ST6GALNAC5: variants seen among roughly 807,000 people sequenced by gnomAD.
The protein encoded by ST6GALNAC5 is alpha-N-acetylgalactosaminide alpha-2,6-sialyltransferase 5.
A neutral mutation model predicts 33.6 loss-of-function variants in ST6GALNAC5; 27 were observed. The observed-to-expected ratio is 0.80, with a 90% CI of 0.59 to 1.11. ST6GALNAC5 has a LOEUF of 1.11. Ranked by LOEUF, ST6GALNAC5 falls within the 50% of genes least tolerant of loss-of-function variation. ST6GALNAC5 has a pLI of 0.00. For missense variants in ST6GALNAC5, 428 were observed against 454.0 expected (o/e 0.94, Z 0.52); for synonymous variants, 194 against 171.2 (o/e 1.13, Z -1.04).
chr1:76,872,867 C>G (rs1239375349), intron 2 of ST6GALNAC5, among the ~76,000 whole-genome samples: 1 of 152,172 alleles, frequency 6.6e-6, no homozygotes, highest in Non-Finnish European at 1.5e-5. Flanking sequence ...CACAAAGCAT[C>G]AAACCCCCAA....
intron 2 of ST6GALNAC5, among the ~76,000 whole-genome samples, chr1:76,952,767 A>G: frequency 6.6e-6 from 1 of 152,102 alleles, no homozygotes; most frequent in East Asian, 1.9e-4. Context: ...AAAAATTAAA[A>G]AAGAAACCAG....
chr1:77,021,113 T>G (rs984089827), intron 2 of ST6GALNAC5, among the ~76,000 whole-genome samples: 2 of 152,232 alleles, frequency 1.3e-5, no homozygotes, highest in Non-Finnish European at 2.9e-5. Context: ...TGAAACTAGA[T>G]TCTACCTCTT....
At chr1:76,978,303 G>C (rs1235143127) in intron 2 of ST6GALNAC5, among the ~76,000 whole-genome samples, 1 of 152,038 alleles carries the variant, frequency 6.6e-6, no homozygotes, top group South Asian at 2.1e-4. Flanking sequence ...TTCCTGTGCT[G>C]TACAGAAGCT....
Position 77,063,575 on chromosome 1 carries a change from G to T in ST6GALNAC5, c.*369G>T. ...TTTATAGACATACCATGTCAAAGAC[G>T]TTTTTCTATCAAGTTGTATTCTTTC... On this transcript the variant is annotated 3_prime_UTR_variant, in exon 5 of 5. Coordinates refer to ENST00000477717, the MANE Select transcript of ST6GALNAC5 (RefSeq NM_030965.3). 3 of 226,212 alleles carry T rather than the reference G, an allele frequency of 1.3e-5. No homozygotes were observed. The highest frequency in any genetic ancestry group is 2.6e-5 in the Non-Finnish European group (3 of 113,374). The allele number at this position is 226,212 out of a possible 1,614,324, so 14.0% of individuals were successfully genotyped here.
chr1:76,870,895 C>T (rs959185887), intron 2 of ST6GALNAC5, among the ~76,000 whole-genome samples: 2 of 152,206 alleles, frequency 1.3e-5, no homozygotes, highest in African/African-American at 4.8e-5. Flanking sequence ...ATCTTAAAGT[C>T]TATGTCTTCT....
At position 76,875,099 on chromosome 1, in the gene ST6GALNAC5, G is replaced by A. The variant is rs147326168; in HGVS notation, c.261+6357G>A. On this transcript the variant is annotated intron_variant, in intron 2 of 4. Coordinates refer to ENST00000477717, the MANE Select transcript of ST6GALNAC5 (RefSeq NM_030965.3). ...AGTACAAGTGTATACATGCACAAAC[G>A]TTTTTAACAGAAGAAGGAAGAAATA... Among the ~76,000 whole-genome samples the A allele has an allele frequency of 2.9e-4, 44 of 152,256 alleles. 1 individual carries two copies. Among genetic ancestry groups the A allele is most frequent in the African/African-American group, 1.0e-3 (43 of 41,542 alleles).
chr1:76,931,693 T>G (rs189152158), intron 2 of ST6GALNAC5, among the ~76,000 whole-genome samples: 89 of 152,250 alleles, frequency 5.8e-4, no homozygotes, highest in South Asian at 1.0e-3. Context: ...TTGTTAGGAA[T>G]GTATGAGACA....
At chr1:76,913,847 A>G (rs1340653661) in intron 2 of ST6GALNAC5, among the ~76,000 whole-genome samples, 3 of 152,170 alleles carry the variant, frequency 2.0e-5, no homozygotes, top group Non-Finnish European at 4.4e-5. Flanking sequence ...GGCCAGGGCA[A>G]TTAGGCAAGA....
intron 3 of ST6GALNAC5, among the ~76,000 whole-genome samples, chr1:77,045,082 T>C (rs1266735819): frequency 3.9e-5 from 6 of 152,146 alleles, no homozygotes; most frequent in African/African-American, 1.2e-4. Context: ...ATATAAAGCC[T>C]TGGACACTTA....
At chr1:77,052,635 T>C (rs1202775288) in intron 4 of ST6GALNAC5, among the ~76,000 whole-genome samples, 3 of 151,828 alleles carry the variant, frequency 2.0e-5, no homozygotes, top group African/African-American at 7.3e-5. Flanking sequence ...TACCAAGAAT[T>C]CTGAGCAGGG....
chr1:77,046,967 G>A (rs1486971866), intron 3 of ST6GALNAC5, among the ~76,000 whole-genome samples: 2 of 152,134 alleles, frequency 1.3e-5, no homozygotes, highest in Non-Finnish European at 2.9e-5. Context: ...TCACAGCAAG[G>A]CATATCCTGC....
chr1:76,976,501 C>A lies in ST6GALNAC5; in HGVS notation c.262-67703C>A, dbSNP rs375793903. ...GTTAAAAAATCACTGTATAATTACC[C>A]ATTCTTTAAAGATTTAATAAAAGTT... On this transcript the variant is annotated intron_variant, in intron 2 of 4. Transcript: ENST00000477717. 2.5e-3 allele frequency among the ~76,000 whole-genome samples: 387 copies of A among 152,172 alleles called. 2 individuals are homozygous for A. Among genetic ancestry groups the A allele is most frequent in the South Asian group, 0.021 (102 of 4,820 alleles).
intron 2 of ST6GALNAC5, among the ~76,000 whole-genome samples, chr1:77,015,697 G>A (rs1650805230): frequency 6.6e-6 from 1 of 152,056 alleles, no homozygotes; most frequent in African/African-American, 2.4e-5. Flanking sequence ...TTTTGGGGTG[G>A]CAGAGGGTCC....
chr1:77,025,414 T>C (rs999348385), intron 2 of ST6GALNAC5, among the ~76,000 whole-genome samples: 4 of 151,946 alleles, frequency 2.6e-5, no homozygotes, highest in Admixed American at 6.6e-5. Context: ...ATGCCTGTAA[T>C]TCCAGATACT....
At chr1:76,896,114 C>CTGT (rs1322105992) in intron 2 of ST6GALNAC5, among the ~76,000 whole-genome samples, 3 of 152,146 alleles carry the variant, frequency 2.0e-5, no homozygotes, top group Non-Finnish European at 4.4e-5. Context: ...AAAGGCTGAT[C>CTGT]TGTTATCAGA....
At chr1:76,898,910 C>T (rs1646786426) in intron 2 of ST6GALNAC5, among the ~76,000 whole-genome samples, 1 of 152,040 alleles carries the variant, frequency 6.6e-6, no homozygotes, top group Non-Finnish European at 1.5e-5. Context: ...GACTCAGTGA[C>T]ACTTGGGGTT....
intron 2 of ST6GALNAC5, among the ~76,000 whole-genome samples, chr1:77,014,537 C>G (rs1278120848): frequency 6.6e-6 from 1 of 152,230 alleles, no homozygotes; most frequent in African/African-American, 2.4e-5. Context: ...AACTACCACC[C>G]TCTCAGAAGA....
intron 2 of ST6GALNAC5, among the ~76,000 whole-genome samples, chr1:76,939,966 C>G (rs547612705): frequency 2.3e-4 from 35 of 152,102 alleles, no homozygotes; most frequent in African/African-American, 7.5e-4. Flanking sequence ...TAGTACTTTC[C>G]TCATAGGGCA....
At chr1:76,990,373 G>A (rs1443933249) in intron 2 of ST6GALNAC5, among the ~76,000 whole-genome samples, 1 of 152,138 alleles carries the variant, frequency 6.6e-6, no homozygotes, top group East Asian at 1.9e-4. Context: ...AGAATTGATG[G>A]TTCTGAGCAT....
Sources: allele counts gnomAD v4.1 joint callset (sites outside exome capture counted in the v4.1 genomes callset), GRCh38; gene constraint gnomAD v4.1.1; transcripts MANE v1.5; gene names NCBI Gene and HGNC (gene_info 2026-07-23, HGNC 2026-07-21).